Variants in PARVA observed in about 807,000 individuals in gnomAD.
PARVA encodes alpha-parvin.
In PARVA, 25 loss-of-function variants were observed where a neutral mutation model predicts 52.6. That is an observed-to-expected ratio of 0.48 (90% CI 0.35 to 0.66). PARVA has a LOEUF of 0.66. Among genes scored for constraint, PARVA ranks in the 30% least tolerant of loss-of-function variants. The pLI is 0.01. For synonymous variants in PARVA, 185 were observed against 179.1 expected (o/e 1.03, Z -0.26); for missense variants, 373 against 450.9 (o/e 0.83, Z 1.56).
At chr11:12,393,276 A>G (rs2134956719) in intron 1 of PARVA, among the ~76,000 whole-genome samples, 1 of 152,254 alleles carries the variant, frequency 6.6e-6, no homozygotes, top group Admixed American at 6.5e-5. Context: ...TGGTCTTCCT[A>G]ACAACCTCAC....
At chr11:12,465,806 A>C (rs539249391) in intron 1 of PARVA, among the ~76,000 whole-genome samples, 1 of 152,372 alleles carries the variant, frequency 6.6e-6, no homozygotes, top group African/African-American at 2.4e-5. Flanking sequence ...ATTATGAATA[A>C]AGCTGCTATA....
chr11:12,421,443 A>C (rs1940148200), intron 1 of PARVA, among the ~76,000 whole-genome samples: 1 of 152,134 alleles, frequency 6.6e-6, no homozygotes, highest in East Asian at 1.9e-4. Flanking sequence ...TTCCAGAAAA[A>C]TCCCAGCAAC....
At chr11:12,515,484 G>A (rs1941556771) in intron 10 of PARVA, among the ~76,000 whole-genome samples, 3 of 152,200 alleles carry the variant, frequency 2.0e-5, no homozygotes, top group Non-Finnish European at 4.4e-5. Context: ...AGGGCAGGGA[G>A]TGCTATGACA....
At chr11:12,505,543 C>G (rs951307561) in intron 6 of PARVA, among the ~76,000 whole-genome samples, 2 of 152,160 alleles carry the variant, frequency 1.3e-5, no homozygotes, top group African/African-American at 4.8e-5. Flanking sequence ...AATATGACAC[C>G]TCGGCCCTGC....
chr11:12,485,271 T>C (rs1941143799), intron 4 of PARVA, among the ~76,000 whole-genome samples: 1 of 152,152 alleles, frequency 6.6e-6, no homozygotes, highest in Admixed American at 6.5e-5. Context: ...CAGGAGCCAG[T>C]GGGTAGATGA....
chr11:12,455,524 A>G (rs1940683314), intron 1 of PARVA, among the ~76,000 whole-genome samples: 1 of 151,464 alleles, frequency 6.6e-6, no homozygotes, highest in Non-Finnish European at 1.5e-5. Flanking sequence ...TGATGCTCAA[A>G]TTTTTCTGTC....
intron 5 of PARVA, among the ~76,000 whole-genome samples, chr11:12,502,919 G>A (rs1484953608): frequency 1.3e-5 from 2 of 152,026 alleles, no homozygotes; most frequent in African/African-American, 4.8e-5. Context: ...GCCTTCGGTG[G>A]CCTACCCTAC....
chr11:12,513,956 T>C (rs775570962), intron 9 of PARVA, 41 bp from the exon 10 acceptor site: 1 of 1,531,722 alleles, frequency 6.5e-7, no homozygotes, highest in South Asian at 1.1e-5. Flanking sequence ...CCTGCACTAG[T>C]GCGAGTCCCC....
At chr11:12,496,347 A>C in intron 4 of PARVA, 111 bp from the exon 5 acceptor site, 1 of 1,097,210 alleles carries the variant, frequency 9.1e-7, no homozygotes, top group South Asian at 1.6e-5. Context: ...TTGTTGCAAG[A>C]GTGCATGCAT....
chr11:12,377,323 T>G, upstream of PARVA: 1 of 934,848 alleles, frequency 1.1e-6, no homozygotes, highest in Non-Finnish European at 1.5e-6. Context: ...TAAATGAAGC[T>G]TTCCGGCTCG....
intron 1 of PARVA, among the ~76,000 whole-genome samples, chr11:12,379,116 C>T (rs539222108): frequency 1.3e-5 from 2 of 152,302 alleles, no homozygotes; most frequent in Non-Finnish European, 2.9e-5. Context: ...TGTAAACTGT[C>T]CTGGCGCTGC....
intron 7 of PARVA, among the ~76,000 whole-genome samples, chr11:12,509,085 T>C (rs1370976200): frequency 6.6e-6 from 1 of 151,540 alleles, no homozygotes; most frequent in Non-Finnish European, 1.5e-5. Context: ...GTTTTTTTTT[T>C]TTTTTTTTCA....
At chr11:12,425,226 A>C (rs1940213975) in intron 1 of PARVA, among the ~76,000 whole-genome samples, 1 of 152,176 alleles carries the variant, frequency 6.6e-6, no homozygotes, top group African/African-American at 2.4e-5. Flanking sequence ...CTGTGTTTTA[A>C]ATTTTTTATT....
At chr11:12,489,955 G>A (rs1342322665) in intron 4 of PARVA, among the ~76,000 whole-genome samples, 1 of 152,038 alleles carries the variant, frequency 6.6e-6, no homozygotes, top group South Asian at 2.1e-4. Context: ...AGTGGCTCAC[G>A]CCTATAATCC....
rs74520224 is a variant in PARVA at position 12,513,391 on chromosome 11, G to A, written c.798+31G>A. 4.9e-4 allele frequency: 775 copies of A among 1,591,508 alleles called. 10 individuals carry two copies. The East Asian group carries it at 0.013, about 26-fold the overall frequency. ...AAAGGGGTGCCTGGGATGGACAGAG[G>A]GAAGCGAGATGCAACAGAACATTGG... On this transcript the variant is annotated intron_variant, in intron 9 of 12. Transcript: ENST00000334956.
intron 4 of PARVA, 30 bp downstream of exon 4, chr11:12,477,979 G>C: frequency 3.4e-6 from 4 of 1,180,556 alleles, no homozygotes; most frequent in Non-Finnish European, 5.1e-6. Flanking sequence ...CAATGGATGT[G>C]TGTTTAATTG....
intron 1 of PARVA, among the ~76,000 whole-genome samples, chr11:12,380,074 T>C (rs1939463361): frequency 2.0e-5 from 3 of 152,202 alleles, no homozygotes; most frequent in Non-Finnish European, 4.4e-5. Context: ...TAGGCTATCC[T>C]GCTTTCTAGA....
intron 4 of PARVA, among the ~76,000 whole-genome samples, chr11:12,496,000 C>T (rs1284117043): frequency 6.6e-6 from 1 of 152,150 alleles, no homozygotes; most frequent in East Asian, 1.9e-4. Flanking sequence ...AAGTTACCTT[C>T]CAGGTGGGTT....
At chr11:12,473,281 T>TCAGAGGA (rs889630503) in intron 1 of PARVA, among the ~76,000 whole-genome samples, 10 of 152,094 alleles carry the variant, frequency 6.6e-5, no homozygotes, top group African/African-American at 2.4e-4. Flanking sequence ...AGGTGAGAAG[T>TCAGAGGA]CAGAGGACGG....
Sources: gnomAD v4.1 joint callset for allele counts (sites outside exome capture counted in the v4.1 genomes callset) on GRCh38, gnomAD v4.1.1 for gene constraint, MANE v1.5 for transcripts, NCBI Gene and HGNC (gene_info 2026-07-23, HGNC 2026-07-21) for gene names.